Variants in ARL2BP observed in about 807,000 individuals in gnomAD.
ARL2BP encodes the protein ARF like GTPase 2 binding protein.
ARL2BP carries 19 observed loss-of-function variants against 24.2 expected under a neutral mutation model. The observed-to-expected ratio is 0.79, with a 90% confidence interval of 0.55 to 1.15. The LOEUF (loss-of-function observed/expected upper bound fraction) is 1.15, where lower values mean the gene tolerates loss of function less well. Among genes scored for constraint, ARL2BP ranks in the 50% most tolerant of loss-of-function variants. ARL2BP has a pLI of 0.00. For synonymous variants in ARL2BP, 56 were observed against 70.5 expected (o/e 0.79, Z 1.03); for missense variants, 160 against 190.4 (o/e 0.84, Z 0.94).
intron 2 of ARL2BP, chr16:57,248,311 CAAAAA>C (rs1161528446): frequency 9.5e-4 from 47 of 49,240 alleles, no homozygotes; most frequent in South Asian, 2.0e-3. Context: ...AACTCCAGCT[CAAAAA>C]AAAAAAAAAA....
chr16:57,250,572 C>T (rs2075404317), intron 5 of ARL2BP, 65 bp downstream of exon 5: 9 of 1,301,868 alleles, frequency 6.9e-6, no homozygotes, highest in Admixed American at 5.1e-5. Context: ...GTAGAAATAC[C>T]GAACATGAAC....
intron 5 of ARL2BP, 28 bp downstream of exon 5, chr16:57,250,535 C>A (rs1285367795): frequency 2.6e-6 from 4 of 1,560,024 alleles, no homozygotes; most frequent in Non-Finnish European, 3.5e-6. Context: ...TTTATTTAGC[C>A]ACTTTGAGCC....
At chr16:57,249,734 A>T in intron 3 of ARL2BP, 33 bp from the exon 4 acceptor site, 1 of 1,568,062 alleles carries the variant, frequency 6.4e-7, no homozygotes, top group South Asian at 1.1e-5. Flanking sequence ...TTCCCAAAGT[A>T]TGGTCTCACC....
In ARL2BP at chr16:57,249,818, G is replaced by A. The variant is rs7198865; in HGVS notation, c.259G>A (p.Glu87Lys). The A allele has an allele frequency of 0.028, 45,645 of 1,614,112 alleles. 826 individuals carry two copies. The highest frequency in any genetic ancestry group is 0.034 in the Non-Finnish European group (39,760 of 1,179,958). Residue 87 changes from glutamate (E) to lysine (K), a missense_variant, in exon 4 of 6, where the codon GAG (glutamate) becomes AAG (lysine). Transcript: ENST00000219204. ...IEEQLLQRIPEFNMAAFTTTL... is the reference protein window; with the variant it reads ...IEEQLLQRIPKFNMAAFTTTL... ...AGAACAGCTGCTGCAGCGGATTCCT[G>A]AGTTCAACATGGCAGCCTTCACCAC...
intron 2 of ARL2BP, chr16:57,246,344 A>G: frequency 1.7e-6 from 1 of 573,564 alleles, no homozygotes. Context: ...TCTAATAAGC[A>G]TAGATTCAGA....
At chr16:57,248,380 T>A (rs2075397222) in intron 2 of ARL2BP, 157 bp from the exon 3 acceptor site, 110 of 248,388 alleles carry the variant, frequency 4.4e-4, no homozygotes, top group Non-Finnish European at 7.1e-4. Context: ...TATTTCCACA[T>A]CAGGGTCCCA....
Position 57,245,259 on chromosome 16 carries a change from A to G in ARL2BP, c.-109A>G. 1.5e-6 allele frequency: 2 copies of G among 1,351,996 alleles called. No homozygotes were observed. Among genetic ancestry groups the G allele is most frequent in the Non-Finnish European group, 2.0e-6 (2 of 982,558 alleles). The allele number at this position is 1,351,996 out of a possible 1,614,324, so 83.7% of individuals were successfully genotyped here. ...CGCGCAGGCGCTGACCCGACCTGGC[A>G]GTGAGCTGGCCGCGGCCTTGGCTGA... On this transcript the variant is annotated 5_prime_UTR_variant, in exon 1 of 6. Coordinates refer to ENST00000219204, the MANE Select transcript of ARL2BP (RefSeq NM_012106.4).
chr16:57,246,678 C>A (rs1304100644), intron 2 of ARL2BP, among the ~76,000 whole-genome samples: 1 of 152,124 alleles, frequency 6.6e-6, no homozygotes. Context: ...GTAGCGGGCG[C>A]CTGTAGTCCC....
Position 57,252,086 on chromosome 16 carries a change from G to A in ARL2BP, c.391-80G>A, listed in dbSNP as rs565800421. 22 of 1,287,754 alleles carry A rather than the reference G, an allele frequency of 1.7e-5. No homozygotes were observed. In the African/African-American group the frequency reaches 2.5e-4, roughly 15 times the overall value. 79.8% of individuals were successfully genotyped at this position (1,287,754 alleles called of 1,614,324 possible). The stretch of plus-strand genomic sequence containing the variant: ...CTGGAGGTCCACGTTCCCACCTTCA[G>A]CTCTGCCTTCCCCATGTCAGAGGCA... On this transcript the variant is annotated intron_variant, in intron 5 of 5. Coordinates refer to ENST00000219204, the MANE Select transcript of ARL2BP (RefSeq NM_012106.4).
rs141614381 is a variant in ARL2BP, at chr16:57,246,138, A to G, written c.97A>G (p.Met33Val). The G allele has an allele frequency of 1.3e-5, 21 of 1,613,774 alleles. No homozygotes were observed. The Admixed American group carries it at 1.8e-4, about 14-fold the overall frequency. ...AVVGYLEDII[M>V]DDEFQLLQRN... ...GGTTGGATATTTAGAGGACATTATC[A>G]TGGGTAAGCTTTTAAGATACTGTTT... Residue 33 changes from methionine (M) to valine (V), a missense_variant, in exon 2 of 6, where the codon ATG (methionine) becomes GTG (valine). Met to Val is a conservative substitution (Grantham distance 21). Transcript: ENST00000219204.
intron 2 of ARL2BP, 91 bp downstream of exon 2, chr16:57,246,232 C>CA: frequency 7.8e-7 from 1 of 1,277,218 alleles, no homozygotes; most frequent in Non-Finnish European, 1.1e-6. Flanking sequence ...AAAGAGAAAA[C>CA]ATCAAGCTGC....
Position 57,252,201 on chromosome 16 carries a change from C to T in ARL2BP, c.426C>T (p.Gly142=), listed in dbSNP as rs574346326. ...KEGRGLDLSS[G]LVVTSLCKSS... ...GCCGAGGACTGGACTTAAGCAGTGG[C>T]TTAGTGGTGACTTCATTGTGCAAAT... The change falls in exon 6 of 6, where the codon GGC becomes GGT. Residue 142 remains glycine (G), a synonymous_variant. Transcript: ENST00000219204. The T allele has an allele frequency of 6.2e-7, 1 of 1,614,102 alleles. No homozygotes were observed. Among genetic ancestry groups the T allele is most frequent in the Admixed American group, 1.7e-5 (1 of 60,004 alleles).
chr16:57,247,697 T>TA (rs2075394494), intron 2 of ARL2BP, among the ~76,000 whole-genome samples: 1 of 152,172 alleles, frequency 6.6e-6, no homozygotes, highest in Non-Finnish European at 1.5e-5. Flanking sequence ...TTAAGTAACT[T>TA]ACCCAAGGTC....
chr16:57,245,451 C>T, intron 1 of ARL2BP, 46 bp downstream of exon 1: 2 of 1,592,906 alleles, frequency 1.3e-6, no homozygotes, highest in East Asian at 4.5e-5. Flanking sequence ...CCGGAGGCAG[C>T]GGGCGTTCGC....
intron 3 of ARL2BP, 65 bp downstream of exon 3, chr16:57,248,708 A>G: frequency 1.1e-6 from 1 of 941,412 alleles, no homozygotes; most frequent in East Asian, 2.7e-5. Context: ...TTTAGATTCA[A>G]AAGACATTGA....
chr16:57,246,145 A>C lies in ARL2BP; in HGVS notation c.100+4A>C, dbSNP rs758680473. 6.2e-6 allele frequency: 10 copies of C among 1,613,052 alleles called. No individual in the cohort carries two copies. The highest frequency in any genetic ancestry group is 3.3e-5 in the Admixed American group (2 of 59,996). Reference sequence around the variant, plus strand: ...TATTTAGAGGACATTATCATGGGTAAGCTTTTAAGATACTGTTTTTAAGGA... The same window carrying C: ...TATTTAGAGGACATTATCATGGGTACGCTTTTAAGATACTGTTTTTAAGGA... On this transcript the variant is annotated splice_donor_region_variant and intron_variant, in intron 2 of 5. Coordinates refer to ENST00000219204, the MANE Select transcript of ARL2BP (RefSeq NM_012106.4).
rs1414291226 is a variant in ARL2BP, at chr16:57,253,629, T to G, written c.*1362T>G. 6.6e-6 allele frequency: 1 copy of G among 152,180 alleles called. No homozygotes were observed. Among genetic ancestry groups the G allele is most frequent in the Non-Finnish European group, 1.5e-5 (1 of 68,028 alleles). 9.4% of individuals were successfully genotyped at this position (152,180 alleles called of 1,614,324 possible). ...TTCAGGTGTTTCGCAAGAACCACCA[T>G]TCTCAATGAGTTGTATTCTTTCTTT... On this transcript the variant is annotated 3_prime_UTR_variant, in exon 6 of 6. Transcript: ENST00000219204.
rs527472237 is a variant in ARL2BP, at chr16:57,251,797, A to G, written c.391-369A>G. 1.2e-4 allele frequency: 22 copies of G among 180,872 alleles called. No individual in the cohort carries two copies. In the East Asian group the frequency reaches 1.5e-3, roughly 12 times the overall value. The allele number at this position is 180,872 out of a possible 1,614,324, so 11.2% of individuals were successfully genotyped here. A position where few individuals can be genotyped will look rare whatever the true frequency, so the allele number is the denominator to read the frequency against. The stretch of plus-strand genomic sequence containing the variant: ...TGACATATCAAGACCCTGTCTCTAC[A>G]AAAATAAAAATAAAAAAGTTAGTCA... On this transcript the variant is annotated intron_variant, in intron 5 of 5. Transcript: ENST00000219204.
rs185451568 is a variant in ARL2BP at position 57,252,852 on chromosome 16, T to C, written c.*585T>C. On this transcript the variant is annotated 3_prime_UTR_variant, in exon 6 of 6. Transcript: ENST00000219204. Reference sequence around the variant, plus strand: ...AAAGCTCCATGTGAAAAGCTACTCCTAGTCTTAACATTTGCAGTCCTTGTG... The same window carrying C: ...AAAGCTCCATGTGAAAAGCTACTCCCAGTCTTAACATTTGCAGTCCTTGTG... The C allele has an allele frequency of 6.7e-3, 1,045 of 155,520 alleles. 10 individuals are homozygous for C. Among genetic ancestry groups the C allele is most frequent in the South Asian group, 0.02 (104 of 5,076 alleles). 9.6% of individuals were successfully genotyped at this position (155,520 alleles called of 1,614,324 possible). A position where few individuals can be genotyped will look rare whatever the true frequency, so the allele number is the denominator to read the frequency against.
Sources: gnomAD v4.1 joint callset for allele counts (sites outside exome capture counted in the v4.1 genomes callset) on GRCh38, gnomAD v4.1.1 for gene constraint, MANE v1.5 for transcripts, NCBI Gene and HGNC (gene_info 2026-07-23, HGNC 2026-07-21) for gene names.